SRBD1: variants seen among roughly 807,000 people sequenced by gnomAD.
SRBD1 encodes S1 RNA binding domain 1.
In SRBD1, 88 loss-of-function variants were observed where a neutral mutation model predicts 115.3. The observed-to-expected ratio is 0.76, with a 90% CI of 0.64 to 0.91. SRBD1 has a LOEUF of 0.91. Ranked by LOEUF, SRBD1 falls within the 40% of genes least tolerant of loss-of-function variation. SRBD1 has a pLI of 0.00. For missense variants in SRBD1, 1,385 were observed against 1,177.4 expected, an observed-to-expected ratio of 1.18 and a Z score of -2.58; for synonymous variants, 509 against 407.7, an observed-to-expected ratio of 1.25 and a Z score of -2.99.
At chr2:45,442,092 A>G (rs555111147) in intron 16 of SRBD1, among the ~76,000 whole-genome samples, 1 of 152,320 alleles carries the variant, frequency 6.6e-6, no homozygotes, top group South Asian at 2.1e-4. Flanking sequence ...GCATCTTGTC[A>G]TACAATAAAA....
chr2:45,394,801 A>G (rs970001555), intron 19 of SRBD1, among the ~76,000 whole-genome samples: 2 of 152,226 alleles, frequency 1.3e-5, no homozygotes, highest in African/African-American at 4.8e-5. Context: ...TATCCGACTA[A>G]TTCTCTTGAG....
At chr2:45,418,704 A>G (rs1667909828) in intron 17 of SRBD1, among the ~76,000 whole-genome samples, 163 bp from the exon 18 acceptor site, 1 of 151,822 alleles carries the variant, frequency 6.6e-6, no homozygotes, top group Non-Finnish European at 1.5e-5. Flanking sequence ...AAAAACGGAG[A>G]AAAAAAGAGT....
At chr2:45,445,842 A>C (rs1039631557) in intron 16 of SRBD1, among the ~76,000 whole-genome samples, 3 of 152,216 alleles carry the variant, frequency 2.0e-5, no homozygotes, top group Non-Finnish European at 4.4e-5. Context: ...AGTTCAACAA[A>C]AATGGAAACA....
At chr2:45,605,516 A>G in intron 1 of SRBD1, 75 bp from the exon 2 acceptor site, 1 of 1,309,200 alleles carries the variant, frequency 7.6e-7, no homozygotes, top group Non-Finnish European at 1.1e-6. Context: ...GTAATGGGTC[A>G]TTCAAAACTA....
At chr2:45,441,115 T>C (rs1159799932) in intron 16 of SRBD1, among the ~76,000 whole-genome samples, 1 of 152,256 alleles carries the variant, frequency 6.6e-6, no homozygotes, top group Non-Finnish European at 1.5e-5. Flanking sequence ...TTATAGACAG[T>C]AAACCTTTCA....
At chr2:45,505,502 G>A (rs939460302) in intron 14 of SRBD1, among the ~76,000 whole-genome samples, 14 of 152,162 alleles carry the variant, frequency 9.2e-5, no homozygotes, top group Non-Finnish European at 1.8e-4. Flanking sequence ...GCACCTGTCC[G>A]TATCCTGTGT....
rs762232442 is a variant in SRBD1, at chr2:45,418,491, C to A, written c.2207G>T (p.Arg736Leu). The A allele has an allele frequency of 3.1e-6, 5 of 1,613,402 alleles. No homozygotes were observed. Among genetic ancestry groups the A allele is most frequent in the Non-Finnish European group, 4.2e-6 (5 of 1,179,888 alleles). The change falls in exon 18 of 21, where the codon CGA (arginine) becomes CTA (leucine). Residue 736 changes from arginine (R) to leucine (L), a missense_variant. Transcript: ENST00000263736. Reference sequence around the variant, plus strand: ...GTTGATAAAGGGTCCATTTTTCTCTCGCCATTCAATAATATTTTTGGCCCT... The same window carrying A: ...GTTGATAAAGGGTCCATTTTTCTCTAGCCATTCAATAATATTTTTGGCCCT... The part of the protein sequence containing the change: ...ANRAKNIIEW[R>L]EKNGPFINRE...
intron 14 of SRBD1, among the ~76,000 whole-genome samples, chr2:45,542,313 C>A (rs1261906034): frequency 6.6e-6 from 1 of 152,208 alleles, no homozygotes; most frequent in Non-Finnish European, 1.5e-5. Flanking sequence ...AGGGAGAGGC[C>A]AGGGAGGTGG....
chr2:45,509,488 C>T (rs1269263106), intron 14 of SRBD1, among the ~76,000 whole-genome samples: 10 of 151,842 alleles, frequency 6.6e-5, no homozygotes, highest in African/African-American at 9.7e-5. Context: ...CCCAGCTACA[C>T]GGGAGGCTGA....
rs78887377 is a variant in SRBD1, at chr2:45,604,561, C to T, written c.80+801G>A. 1.7e-3 allele frequency among the ~76,000 whole-genome samples: 261 copies of T among 152,248 alleles called. 1 individual carries two copies. The highest frequency in any genetic ancestry group is 5.9e-3 in the African/African-American group (246 of 41,522). On this transcript the variant is annotated intron_variant, in intron 2 of 20. Transcript: ENST00000263736. Reference sequence around the variant, plus strand: ...CTCTGCCTCATGTCTCTAGACTGGCCACACTGGTCTTCTTGCTGTTCCCTG... The same window carrying T: ...CTCTGCCTCATGTCTCTAGACTGGCTACACTGGTCTTCTTGCTGTTCCCTG...
intron 14 of SRBD1, among the ~76,000 whole-genome samples, chr2:45,509,708 AC>A (rs1670909536): frequency 6.6e-6 from 1 of 151,878 alleles, no homozygotes; most frequent in Non-Finnish European, 1.5e-5. Flanking sequence ...AGGCTTAGAA[AC>A]CAGGTTTGTC....
At chr2:45,580,756 G>C (rs2104179873) in intron 6 of SRBD1, among the ~76,000 whole-genome samples, 1 of 132,952 alleles carries the variant, frequency 7.5e-6, no homozygotes, top group Non-Finnish European at 1.5e-5. Context: ...CACGATCTCA[G>C]CTCACTGCAA....
chr2:45,433,625 T>C (rs1278410845), intron 16 of SRBD1, among the ~76,000 whole-genome samples: 1 of 150,472 alleles, frequency 6.6e-6, no homozygotes, highest in Admixed American at 6.6e-5. Flanking sequence ...GAGAAAACAG[T>C]GTGTGCTTAA....
chr2:45,562,499 T>C (rs1023704469), intron 10 of SRBD1, among the ~76,000 whole-genome samples, 154 bp downstream of exon 10: 5 of 152,238 alleles, frequency 3.3e-5, no homozygotes, highest in African/African-American at 1.2e-4. Flanking sequence ...CCGAAAGTGC[T>C]GGGATTACAG....
chr2:45,550,798 C>G (rs1342919814), intron 12 of SRBD1, among the ~76,000 whole-genome samples: 1 of 151,968 alleles, frequency 6.6e-6, no homozygotes, highest in Non-Finnish European at 1.5e-5. Flanking sequence ...AAAATATAAG[C>G]AGAATTAAAA....
chr2:45,517,861 T>C (rs562896924), intron 14 of SRBD1, among the ~76,000 whole-genome samples: 1 of 152,064 alleles, frequency 6.6e-6, no homozygotes, highest in African/African-American at 2.4e-5. Context: ...ATTAGCTAGA[T>C]CTGGCAGCAC....
At chr2:45,533,270 T>C (rs6749128) in intron 14 of SRBD1, among the ~76,000 whole-genome samples, 4,301 of 152,148 alleles carry the variant, frequency 0.028, 201 homozygotes, top group African/African-American at 0.099. Context: ...TACATTCATC[T>C]TGAATTCACT....
At chr2:45,550,556 C>A (rs1572764316) in intron 12 of SRBD1, among the ~76,000 whole-genome samples, 1 of 148,666 alleles carries the variant, frequency 6.7e-6, no homozygotes, top group African/African-American at 2.5e-5. Flanking sequence ...TTGAATTCTA[C>A]ACCAAGCAAA....
chr2:45,564,381 C>T (rs1672761985), intron 9 of SRBD1, among the ~76,000 whole-genome samples: 1 of 152,158 alleles, frequency 6.6e-6, no homozygotes, highest in Non-Finnish European at 1.5e-5. Flanking sequence ...CAAGCGTGTC[C>T]ACTCTCACAA....
Sources: gnomAD v4.1 joint callset for allele counts (sites outside exome capture counted in the v4.1 genomes callset) on GRCh38, gnomAD v4.1.1 for gene constraint, MANE v1.5 for transcripts, NCBI Gene and HGNC (gene_info 2026-07-23, HGNC 2026-07-21) for gene names.